The following TTLL11 variants were observed in gnomAD, a reference collection of about 807,000 sequenced individuals.
TTLL11 encodes tubulin tyrosine ligase like 11.
In TTLL11, 42 loss-of-function variants were observed where a neutral mutation model predicts 51.7. The observed-to-expected ratio is 0.81, with a 90% CI of 0.64 to 1.05. The LOEUF is 1.05. Ranked by LOEUF, TTLL11 falls within the 50% of genes least tolerant of loss-of-function variation. The probability of loss-of-function intolerance (pLI) is 0.00; values close to 1 mark genes in which losing one functional copy is unlikely to be tolerated. For missense variants in TTLL11, 799 were observed against 940.4 expected (o/e 0.85, Z 1.97); for synonymous variants, 381 against 383.5 (o/e 0.99, Z 0.08).
Position 121,941,878 on chromosome 9 carries a change from T to C in TTLL11, c.1481+32131A>G, listed in dbSNP as rs73555639. Among the ~76,000 whole-genome samples the C allele has an allele frequency of 8.0e-3, 1,216 of 152,224 alleles. 15 individuals carry two copies. The highest frequency in any genetic ancestry group is 0.027 in the African/African-American group (1,134 of 41,534). On this transcript the variant is annotated intron_variant, in intron 6 of 8. Coordinates refer to ENST00000321582, the MANE Select transcript of TTLL11 (RefSeq NM_001139442.2). ...ATTCCTCTCTCCCTCTTCTCCCTCA[T>C]TGTACCCAGCAGGAATCCTGCCACC...
intron 6 of TTLL11, among the ~76,000 whole-genome samples, chr9:121,941,351 A>G (rs537567530): frequency 6.6e-6 from 1 of 152,282 alleles, no homozygotes; most frequent in Admixed American, 6.5e-5. Context: ...ACCTTCCGCT[A>G]TGACCTCAAC....
intron 8 of TTLL11, among the ~76,000 whole-genome samples, chr9:121,836,091 AC>A (rs1444612906): frequency 6.6e-6 from 1 of 152,136 alleles, no homozygotes; most frequent in Non-Finnish European, 1.5e-5. Context: ...CTTTATGGGC[AC>A]CTTTTGTTTA....
chr9:121,911,701 C>G (rs983802740), intron 6 of TTLL11, among the ~76,000 whole-genome samples: 3 of 152,182 alleles, frequency 2.0e-5, no homozygotes, highest in African/African-American at 7.2e-5. Flanking sequence ...AAACCAAACA[C>G]CACGTGTTCT....
rs1842635696 is a variant in TTLL11 at position 121,973,889 on chromosome 9, TG to T, written c.1481+119del. Reference sequence around the variant, plus strand: ...TAAAACAAAGATATTTTATTAGAATTGTTTAAGATGTAAATCTCACTCACAA... The same window carrying T: ...TAAAACAAAGATATTTTATTAGAATTTTTAAGATGTAAATCTCACTCACAA... On this transcript the variant is annotated intron_variant, in intron 6 of 8. Coordinates refer to ENST00000321582, the MANE Select transcript of TTLL11 (RefSeq NM_001139442.2). The T allele has an allele frequency of 2.5e-5, 14 of 566,220 alleles. No individual in the cohort carries two copies. In the South Asian group the frequency reaches 3.8e-4, roughly 15 times the overall value. The allele number at this position is 566,220 out of a possible 1,614,324, so 35.1% of individuals were successfully genotyped here.
chr9:122,015,971 T>C (rs1380181773), intron 3 of TTLL11, among the ~76,000 whole-genome samples: 1 of 152,066 alleles, frequency 6.6e-6, no homozygotes, highest in Non-Finnish European at 1.5e-5. Context: ...TTGTGGAACT[T>C]ACAGTAGGAG....
At chr9:121,950,263 G>A (rs2131599864) in intron 6 of TTLL11, among the ~76,000 whole-genome samples, 1 of 152,200 alleles carries the variant, frequency 6.6e-6, no homozygotes, top group South Asian at 2.1e-4. Context: ...GTCACTCTTT[G>A]CAGGCAGTGA....
chr9:121,889,023 T>C (rs1202545307), intron 6 of TTLL11, among the ~76,000 whole-genome samples: 1 of 152,276 alleles, frequency 6.6e-6, no homozygotes, highest in Non-Finnish European at 1.5e-5. Context: ...TCCAGGTCTG[T>C]GCTGTTTTAC....
rs2131547561 is a variant in TTLL11 at position 121,929,172 on chromosome 9, T to TG, written c.1481+44836dup. 2.0e-5 allele frequency among the ~76,000 whole-genome samples: 3 copies of TG among 152,244 alleles called. No homozygotes were observed. The South Asian group carries it at 6.2e-4, about 32-fold the overall frequency. The stretch of plus-strand genomic sequence containing the variant: ...AGTTACACATTTTGGCCGGGCGCGG[T>TG]GGCTTATGCCTGTAATCCCAGCACT... On this transcript the variant is annotated intron_variant, in intron 6 of 8. Coordinates refer to ENST00000321582, the MANE Select transcript of TTLL11 (RefSeq NM_001139442.2).
chr9:121,930,385 A>T (rs1840918928), intron 6 of TTLL11, among the ~76,000 whole-genome samples: 1 of 152,246 alleles, frequency 6.6e-6, no homozygotes, highest in Non-Finnish European at 1.5e-5. Context: ...GCCTTAAGGG[A>T]GTAGCCCCAA....
chr9:121,871,432 C>T (rs4390017), intron 6 of TTLL11, among the ~76,000 whole-genome samples: 111,769 of 152,036 alleles, frequency 0.74, 41,736 homozygotes, highest in East Asian at 0.9. Context: ...TCTCCTTGAA[C>T]GTCACAACCA....
Position 121,837,209 on chromosome 9 carries a change from C to CTT in TTLL11, c.1841-14332_1841-14331dup, listed in dbSNP as rs34858129. ...TAGGATGCTTTTCTCCTGTTTTCTT[C>CTT]TTTTTTTGATATTGTGAATAATGGT... On this transcript the variant is annotated intron_variant, in intron 8 of 8. Transcript: ENST00000321582. Among the ~76,000 whole-genome samples the CTT allele has an allele frequency of 8.0e-4, 121 of 152,046 alleles. 2 individuals carry two copies. In the Middle Eastern group the frequency reaches 0.01, roughly 13 times the overall value.
At chr9:121,875,945 C>T (rs1037473101) in intron 6 of TTLL11, among the ~76,000 whole-genome samples, 2 of 152,194 alleles carry the variant, frequency 1.3e-5, no homozygotes, top group Admixed American at 1.3e-4. Context: ...TCTATTTTGC[C>T]TGGAAAGTTA....
intron 6 of TTLL11, among the ~76,000 whole-genome samples, chr9:121,909,390 G>C (rs1196082322): frequency 6.6e-6 from 1 of 152,068 alleles, no homozygotes; most frequent in Non-Finnish European, 1.5e-5. Flanking sequence ...ACTGTTCTAA[G>C]AAGGCAGTCA....
At chr9:121,836,296 C>T (rs1837177333) in intron 8 of TTLL11, among the ~76,000 whole-genome samples, 1 of 152,142 alleles carries the variant, frequency 6.6e-6, no homozygotes, top group Non-Finnish European at 1.5e-5. Flanking sequence ...AAAACCAGGG[C>T]AGATAAAGCA....
chr9:121,869,122 C>T (rs905011402), intron 7 of TTLL11, among the ~76,000 whole-genome samples: 1 of 152,218 alleles, frequency 6.6e-6, no homozygotes, highest in African/African-American at 2.4e-5. Flanking sequence ...CTGGGCTTCC[C>T]TCCCCCACCC....
rs1361241793 is a variant in TTLL11 at position 121,819,171 on chromosome 9, A to G, written c.*3416T>C. Reference sequence around the variant, plus strand: ...GGGACCAGCACTTGCTAACAGCTGCACTGAATCTAGCGGGTCTTTATAAGT... The same window carrying G: ...GGGACCAGCACTTGCTAACAGCTGCGCTGAATCTAGCGGGTCTTTATAAGT... On this transcript the variant is annotated 3_prime_UTR_variant, in exon 9 of 9. Coordinates refer to ENST00000321582, the MANE Select transcript of TTLL11 (RefSeq NM_001139442.2). The G allele has an allele frequency of 1.3e-5, 2 of 152,372 alleles. No homozygotes were observed. The highest frequency in any genetic ancestry group is 4.8e-5 in the African/African-American group (2 of 41,446). 9.4% of individuals were successfully genotyped at this position (152,372 alleles called of 1,614,324 possible).
intron 6 of TTLL11, among the ~76,000 whole-genome samples, chr9:121,935,500 A>T (rs13293936): frequency 0.26 from 39,541 of 151,806 alleles, 5,654 homozygotes; most frequent in African/African-American, 0.39. Flanking sequence ...TAAAATTTTT[A>T]AAAAATTTTA....
At chr9:122,036,212 A>G (rs771771462) in intron 2 of TTLL11, among the ~76,000 whole-genome samples, 22 of 151,866 alleles carry the variant, frequency 1.4e-4, no homozygotes, top group African/African-American at 5.1e-4. Context: ...ATAGCCCCAG[A>G]GCCCAGACCA....
rs999355720 is a variant in TTLL11 at position 122,079,477 on chromosome 9, T to C, written c.462+13210A>G. The stretch of plus-strand genomic sequence containing the variant: ...CTGTAATCCCAACACTTTGGGAGGC[T>C]GAGGTGGGTGGAGCATGAGGTCAAG... On this transcript the variant is annotated intron_variant, in intron 1 of 8. Coordinates refer to ENST00000321582, the MANE Select transcript of TTLL11 (RefSeq NM_001139442.2). Among the ~76,000 whole-genome samples the C allele has an allele frequency of 1.3e-5, 2 of 151,582 alleles. 1 individual carries two copies. Among genetic ancestry groups the C allele is most frequent in the Admixed American group, 1.3e-4 (2 of 15,218 alleles).
Sources: allele counts gnomAD v4.1 joint callset (sites outside exome capture counted in the v4.1 genomes callset), GRCh38; gene constraint gnomAD v4.1.1; transcripts MANE v1.5; gene names NCBI Gene and HGNC (gene_info 2026-07-23, HGNC 2026-07-21).